Variants in NEK10 observed in about 807,000 individuals in gnomAD.
The protein encoded by NEK10 is NIMA related kinase 10.
In NEK10, 122 loss-of-function variants were observed where a neutral mutation model predicts 159.8. The ratio of observed to expected loss-of-function variants is 0.76; its 90% CI spans 0.66 to 0.89. The LOEUF is 0.89. NEK10 is among the 40% of genes least tolerant of loss of function. NEK10 has a pLI of 0.00. For synonymous variants in NEK10, 466 were observed against 457.1 expected (o/e 1.02, Z -0.25); for missense variants, 1,342 against 1,323.1 (o/e 1.01, Z -0.22).
intron 25 of NEK10, among the ~76,000 whole-genome samples, chr3:27,194,982 A>G (rs962830576): frequency 2.6e-5 from 4 of 152,200 alleles, no homozygotes; most frequent in African/African-American, 9.7e-5. Flanking sequence ...CTGCTAGGAA[A>G]GACAAGTTTC....
intron 22 of NEK10, 124 bp from the exon 23 acceptor site, chr3:27,256,495 T>A (rs929764898): frequency 2.3e-6 from 1 of 430,852 alleles, no homozygotes; most frequent in Non-Finnish European, 4.1e-6. Context: ...CTTTTCTTAA[T>A]GCTATATATT....
chr3:27,232,209 A>G (rs1953366842), intron 23 of NEK10, among the ~76,000 whole-genome samples: 1 of 151,908 alleles, frequency 6.6e-6, no homozygotes, highest in Admixed American at 6.6e-5. Context: ...AATGGATTCA[A>G]TAAAGTCTCA....
At chr3:27,325,135 G>A (rs2045918827) in intron 5 of NEK10, among the ~76,000 whole-genome samples, 1 of 152,208 alleles carries the variant, frequency 6.6e-6, no homozygotes, top group Admixed American at 6.5e-5. Flanking sequence ...GTGCTGCCAT[G>A]CACTGGAACT....
At chr3:27,363,453 A>T (rs1340702324) in intron 1 of NEK10, among the ~76,000 whole-genome samples, 1 of 152,264 alleles carries the variant, frequency 6.6e-6, no homozygotes, top group Admixed American at 6.5e-5. Flanking sequence ...TGAATGAATC[A>T]ATCAATGAAC....
intron 35 of NEK10, among the ~76,000 whole-genome samples, chr3:27,112,580 A>T (rs1939732756): frequency 1.3e-5 from 2 of 152,172 alleles, no homozygotes; most frequent in Admixed American, 6.6e-5. Context: ...CACATAGCTA[A>T]AACAGCTTTC....
chr3:27,331,248 A>AG (rs2046381094), intron 5 of NEK10, among the ~76,000 whole-genome samples: 2 of 104,444 alleles, frequency 1.9e-5, no homozygotes, highest in Admixed American at 1.2e-4. Flanking sequence ...AAAAAAAAAA[A>AG]AACAAAAAAA....
rs1314938902 is a variant in NEK10, at chr3:27,111,607, G to T, written c.3300-287C>A. Among the ~76,000 whole-genome samples, 26 of 152,182 alleles carry T rather than the reference G, an allele frequency of 1.7e-4. 1 individual carries two copies. The East Asian group carries it at 4.8e-3, about 28-fold the overall frequency. On this transcript the variant is annotated intron_variant, in intron 35 of 35. Transcript: ENST00000691995. ...CTTGTATACTTGAATACCTGTGTAG[G>T]TTAAAATAACTAATTTACACGCTTA...
At chr3:27,304,064 G>T (rs1160863236) in intron 12 of NEK10, among the ~76,000 whole-genome samples, 4 of 152,098 alleles carry the variant, frequency 2.6e-5, no homozygotes, top group Non-Finnish European at 5.9e-5. Context: ...AGTTTGCAAC[G>T]TACTTCTAGA....
intron 9 of NEK10, 171 bp downstream of exon 9, chr3:27,310,778 T>C: frequency 2.1e-6 from 1 of 474,078 alleles, no homozygotes; most frequent in Non-Finnish European, 3.7e-6. Flanking sequence ...TATTAACTTG[T>C]AATGCTGGTA....
At chr3:27,350,776 G>C (rs1476173422) in intron 3 of NEK10, among the ~76,000 whole-genome samples, 2 of 152,032 alleles carry the variant, frequency 1.3e-5, no homozygotes, top group African/African-American at 2.4e-5. Context: ...GTGTTGAAAG[G>C]GCACACGAGA....
intron 18 of NEK10, 55 bp from the exon 19 acceptor site, chr3:27,290,809 G>A: frequency 2.9e-6 from 4 of 1,391,122 alleles, no homozygotes; most frequent in Non-Finnish European, 4.0e-6. Flanking sequence ...AGAAGGAGAA[G>A]AGAGAAAGAG....
chr3:27,201,485 T>C (rs775156011), intron 25 of NEK10, 25 bp downstream of exon 25: 1 of 1,599,872 alleles, frequency 6.3e-7, no homozygotes, highest in Non-Finnish European at 8.6e-7. Flanking sequence ...TGTCCCTACA[T>C]GTCTGAAGCC....
intron 12 of NEK10, among the ~76,000 whole-genome samples, chr3:27,303,603 G>A (rs1466481685): frequency 2.0e-5 from 3 of 152,170 alleles, no homozygotes; most frequent in Non-Finnish European, 4.4e-5. Flanking sequence ...TCACATTCAT[G>A]AAGCAAGTGG....
intron 23 of NEK10, among the ~76,000 whole-genome samples, chr3:27,243,189 T>C (rs1201315321): frequency 1.3e-5 from 2 of 152,174 alleles, no homozygotes; most frequent in African/African-American, 4.8e-5. Context: ...TCATTACTTC[T>C]AGGGTTGTTA....
At chr3:27,224,573 A>G (rs949904777) in intron 23 of NEK10, among the ~76,000 whole-genome samples, 6 of 152,230 alleles carry the variant, frequency 3.9e-5, no homozygotes, top group African/African-American at 1.4e-4. Flanking sequence ...GACATCTCCC[A>G]TGACCAAGTA....
intron 23 of NEK10, among the ~76,000 whole-genome samples, chr3:27,204,983 C>T (rs1335286609): frequency 6.8e-6 from 1 of 148,102 alleles, no homozygotes; most frequent in East Asian, 2.0e-4. Context: ...TGTTTCCTGA[C>T]TTTTTAATGA....
Position 27,291,799 on chromosome 3 carries a change from T to C in NEK10, c.1374-213A>G, listed in dbSNP as rs561566362. Among the ~76,000 whole-genome samples the C allele has an allele frequency of 8.3e-3, 1,261 of 152,056 alleles. 19 individuals are homozygous for C. Among genetic ancestry groups the C allele is most frequent in the African/African-American group, 0.028 (1,161 of 41,406 alleles). On this transcript the variant is annotated intron_variant, in intron 16 of 35. Coordinates refer to ENST00000691995, the MANE Select transcript of NEK10 (RefSeq NM_001394966.1). ...CTGGGACTACAGGTGCCTGCCACCA[T>C]GCCCGGCTAATTTTTTGTATTTTTA...
chr3:27,227,822 G>A lies in NEK10; in HGVS notation c.2091-25265C>T, dbSNP rs141685819. ...CAGTAGAAGGTCCCTGTTGATCTGA[G>A]AAGTGCCATAGGCATGGCTACTTTG... On this transcript the variant is annotated intron_variant, in intron 23 of 35. Coordinates refer to ENST00000691995, the MANE Select transcript of NEK10 (RefSeq NM_001394966.1). 8.8e-3 allele frequency among the ~76,000 whole-genome samples: 1,341 copies of A among 152,318 alleles called. 25 individuals carry two copies. Among genetic ancestry groups the A allele is most frequent in the African/African-American group, 0.03 (1,247 of 41,566 alleles).
At chr3:27,146,929 A>G (rs1944352626) in intron 30 of NEK10, among the ~76,000 whole-genome samples, 1 of 152,224 alleles carries the variant, frequency 6.6e-6, no homozygotes. Context: ...GTGCAGTACA[A>G]TAAAAAAAGT....
Sources: gnomAD v4.1 joint callset for allele counts (sites outside exome capture counted in the v4.1 genomes callset) on GRCh38, gnomAD v4.1.1 for gene constraint, MANE v1.5 for transcripts, NCBI Gene and HGNC (gene_info 2026-07-23, HGNC 2026-07-21) for gene names.